The following PTPRG variants were observed in gnomAD, a reference collection of about 807,000 sequenced individuals.
The protein encoded by PTPRG is protein tyrosine phosphatase receptor type G, also known as receptor-type tyrosine-protein phosphatase gamma.
A neutral mutation model predicts 165.3 loss-of-function variants in PTPRG; 102 were observed. The ratio of observed to expected loss-of-function variants is 0.62; its 90% CI spans 0.53 to 0.73. PTPRG has a LOEUF of 0.73. Ranked by LOEUF, PTPRG falls within the 30% of genes least tolerant of loss-of-function variation. The pLI, the probability that PTPRG is intolerant of heterozygous loss-of-function variation, is 0.00. For missense variants in PTPRG, 1,866 were observed against 1,861.4 expected (o/e 1.00, Z -0.05); for synonymous variants, 675 against 669.5 (o/e 1.01, Z -0.13).
intron 1 of PTPRG, among the ~76,000 whole-genome samples, chr3:61,587,545 A>G (rs1700460135): frequency 6.6e-6 from 1 of 152,160 alleles, no homozygotes; most frequent in Non-Finnish European, 1.5e-5. Context: ...CAGAAAACCA[A>G]CTCAGATACA....
intron 2 of PTPRG, among the ~76,000 whole-genome samples, chr3:61,987,964 T>C (rs989782607): frequency 1.3e-5 from 2 of 152,158 alleles, no homozygotes; most frequent in African/African-American, 2.4e-5. Context: ...ATCACAGTCA[T>C]AGGGAATTTG....
chr3:62,275,972 A>G lies in PTPRG; in HGVS notation c.3559+6A>G, dbSNP rs1702219503. On this transcript the variant is annotated splice_donor_region_variant and intron_variant, in intron 24 of 29. Transcript: ENST00000474889. ...AAACTCTTCAGTTGTGCCATGTAAGACTTTAAAACAGTTTGTTAGTGATCT... is the reference window on the plus strand; with the variant it reads ...AAACTCTTCAGTTGTGCCATGTAAGGCTTTAAAACAGTTTGTTAGTGATCT... The G allele has an allele frequency of 1.3e-6, 2 of 1,588,142 alleles. No homozygotes were observed. The highest frequency in any genetic ancestry group is 1.1e-5 in the South Asian group (1 of 89,638).
intron 1 of PTPRG, among the ~76,000 whole-genome samples, chr3:61,636,322 T>C (rs1701907774): frequency 6.6e-6 from 1 of 152,224 alleles, no homozygotes; most frequent in Non-Finnish European, 1.5e-5. Flanking sequence ...CCATTAGCAG[T>C]TACCTATTTT....
Position 62,203,776 on chromosome 3 carries a change from G to A in PTPRG, c.1981G>A (p.Asp661Asn). 6.2e-7 allele frequency: 1 copy of A among 1,612,254 alleles called. No homozygotes were observed. Among genetic ancestry groups the A allele is most frequent in the Non-Finnish European group, 8.5e-7 (1 of 1,179,078 alleles). The change falls in exon 12 of 30, where the codon GAT becomes AAT. Residue 661 changes from aspartate to asparagine, a missense_variant. This residue lies in a region of PTPRG where 1,452 missense variants were observed against 1,463.0 expected (regional missense o/e 0.99). Coordinates refer to ENST00000474889, the MANE Select transcript of PTPRG (RefSeq NM_002841.4). The surrounding 1 kb of genome is among the most constrained non-coding windows in gnomAD (Gnocchi z 6.4). ...CACAGACCAGACGGGCGGAAGGAGG[G>A]ATGCCGGCCCAGGCCTGGACCCCGA... ...VPTDQTGGRR[D>N]AGPGLDPDMV...
rs1462580138 is a variant in PTPRG at position 62,213,696 on chromosome 3, C to T, written c.2156-5155C>T. 3.9e-5 allele frequency among the ~76,000 whole-genome samples: 6 copies of T among 152,246 alleles called. 1 individual carries two copies. Among genetic ancestry groups the T allele is most frequent in the Admixed American group, 3.9e-4 (6 of 15,296 alleles). On this transcript the variant is annotated intron_variant, in intron 12 of 29. Transcript: ENST00000474889. The surrounding 1 kb of genome is among the most constrained non-coding windows in gnomAD (Gnocchi z 4.4). Reference sequence around the variant, plus strand: ...ACGCTGCAGCTGTTGTACCGAAAGGCCTACAGCATGTTCTGGTCTCTGGAG... The same window carrying T: ...ACGCTGCAGCTGTTGTACCGAAAGGTCTACAGCATGTTCTGGTCTCTGGAG...
At chr3:61,872,050 C>T (rs752812869) in intron 2 of PTPRG, among the ~76,000 whole-genome samples, 1 of 152,224 alleles carries the variant, frequency 6.6e-6, no homozygotes, top group Non-Finnish European at 1.5e-5. Context: ...GAGCTCTTCT[C>T]ATATATTCCA....
chr3:62,007,495 A>G (rs1311152770), intron 4 of PTPRG, among the ~76,000 whole-genome samples: 1 of 152,218 alleles, frequency 6.6e-6, no homozygotes, highest in Admixed American at 6.5e-5. Context: ...ACTGAACTCA[A>G]TTTGGATCCT....
chr3:62,285,524 TGGG>T (rs67228745), intron 28 of PTPRG, among the ~76,000 whole-genome samples: 2 of 39,240 alleles, frequency 5.1e-5, no homozygotes, highest in East Asian at 8.2e-4. Flanking sequence ...AGGTGGTTGT[TGGG>T]GGGGGGGGGT....
chr3:62,218,966 T>A lies in PTPRG; in HGVS notation c.2271T>A (p.Ala757=). Residue 757 remains alanine (A), a synonymous_variant, in exon 13 of 30, where the codon GCT becomes GCA. Transcript: ENST00000474889. ...TCGTGTGCCTCATCCTTCTCATTGC[T>A]GTGCTCGTTTACTGGAGGTAAGCCA... The part of the protein sequence containing the change: ...LTFVCLILLI[A]VLVYWRGCNK... The A allele has an allele frequency of 6.2e-7, 1 of 1,613,900 alleles. No homozygotes were observed. The highest frequency in any genetic ancestry group is 8.5e-7 in the Non-Finnish European group (1 of 1,179,920).
chr3:61,817,226 A>C lies in PTPRG; in HGVS notation c.190+68244A>C, dbSNP rs112816916. Among the ~76,000 whole-genome samples the C allele has an allele frequency of 1.2e-3, 165 of 140,882 alleles. 1 individual carries two copies. The highest frequency in any genetic ancestry group is 4.2e-3 in the African/African-American group (161 of 38,326). The allele number at this position is 140,882 out of a possible 152,430, so 92.4% of individuals were successfully genotyped here. ...ATAATATAATAATATATATAAATATATATTTATAGAGAGCTGTTGGGAATC... is the reference window on the plus strand; with the variant it reads ...ATAATATAATAATATATATAAATATCTATTTATAGAGAGCTGTTGGGAATC... On this transcript the variant is annotated intron_variant, in intron 2 of 29. Coordinates refer to ENST00000474889, the MANE Select transcript of PTPRG (RefSeq NM_002841.4).
rs369805564 is a variant in PTPRG at position 61,808,420 on chromosome 3, A to AT, written c.190+59447dup. On this transcript the variant is annotated intron_variant, in intron 2 of 29. Coordinates refer to ENST00000474889, the MANE Select transcript of PTPRG (RefSeq NM_002841.4). ...TATTCCTTAACTGTGAAATCTATAC[A>AT]TTTTTTTTTCATCCACCCCAGATAA... Among the ~76,000 whole-genome samples the AT allele has an allele frequency of 3.4e-3, 519 of 150,706 alleles. 6 individuals carry two copies. The highest frequency in any genetic ancestry group is 0.012 in the African/African-American group (490 of 41,006).
In PTPRG at chr3:62,267,762, T is replaced by A. The variant is rs1370907616; in HGVS notation, c.2817T>A (p.Ile939=). 3 of 1,613,476 alleles carry A rather than the reference T, an allele frequency of 1.9e-6. No homozygotes were observed. ...KSTFEDFWRM[I]WEQNTGIIVM... is the part of the protein sequence containing the mutation. ...CATTTGAAGATTTCTGGAGGATGAT[T>A]TGGGAACAAAACACTGGAATCATTG... Residue 939 remains isoleucine (I), a synonymous_variant, in exon 19 of 30, where the codon ATT becomes ATA. Coordinates refer to ENST00000474889, the MANE Select transcript of PTPRG (RefSeq NM_002841.4).
At position 62,132,738 on chromosome 3, in the gene PTPRG, G is replaced by A. The variant is rs186087981; in HGVS notation, c.682+70G>A. The A allele has an allele frequency of 4.6e-5, 63 of 1,381,814 alleles. No individual in the cohort carries two copies. In the Admixed American group the frequency reaches 1.1e-3, roughly 23 times the overall value. 85.6% of individuals were successfully genotyped at this position (1,381,814 alleles called of 1,614,324 possible). A position where few individuals can be genotyped will look rare whatever the true frequency, so the allele number is the denominator to read the frequency against. ...TCAGATCTCTACCTAAAAGAATCAG[G>A]TTATCTTGCAGAGGACAGAGGGTGA... On this transcript the variant is annotated intron_variant, in intron 6 of 29. Transcript: ENST00000474889.
intron 1 of PTPRG, among the ~76,000 whole-genome samples, chr3:61,677,608 C>G (rs910482200): frequency 4.6e-5 from 7 of 152,164 alleles, no homozygotes; most frequent in African/African-American, 1.7e-4. Context: ...GTGATTAAAA[C>G]CTGCCCATTG....
chr3:61,730,270 C>T (rs1408442318), intron 1 of PTPRG, among the ~76,000 whole-genome samples: 2 of 151,534 alleles, frequency 1.3e-5, no homozygotes, highest in Non-Finnish European at 2.9e-5. Flanking sequence ...CTGTCATTAG[C>T]CATGCAGACC....
intron 5 of PTPRG, among the ~76,000 whole-genome samples, chr3:62,078,565 G>A (rs1279338719): frequency 6.7e-6 from 1 of 149,812 alleles, no homozygotes; most frequent in Non-Finnish European, 1.5e-5. Flanking sequence ...AGCATATTAA[G>A]AGACTGATAT....
At chr3:62,174,487 T>A (rs892516582) in intron 8 of PTPRG, among the ~76,000 whole-genome samples, 13 of 152,222 alleles carry the variant, frequency 8.5e-5, no homozygotes, top group African/African-American at 2.7e-4. Flanking sequence ...TGTTTTCAAT[T>A]CTAAACATTG....
chr3:61,845,786 C>T (rs975049717), intron 2 of PTPRG, among the ~76,000 whole-genome samples: 29 of 152,092 alleles, frequency 1.9e-4, no homozygotes, highest in Admixed American at 2.0e-4. Flanking sequence ...ATAAGTTGTA[C>T]GAAATCAAAT....
intron 1 of PTPRG, among the ~76,000 whole-genome samples, chr3:61,659,041 GCCC>G: frequency 8.9e-6 from 1 of 112,610 alleles, no homozygotes; most frequent in East Asian, 2.8e-4. Context: ...GTTTTCTCCT[GCCC>G]CTGCCCCTGC....
Sources: allele counts gnomAD v4.1 joint callset (sites outside exome capture counted in the v4.1 genomes callset), GRCh38; gene constraint gnomAD v4.1.1; regional missense constraint gnomAD v4.1.1; non-coding constraint Gnocchi (gnomAD v3.1); transcripts MANE v1.5; gene names NCBI Gene and HGNC (gene_info 2026-07-23, HGNC 2026-07-21).